Variants in MEF2C observed in about 807,000 individuals in gnomAD.
MEF2C encodes myocyte-specific enhancer factor 2C.
In MEF2C, 6 loss-of-function variants were observed where a neutral mutation model predicts 50.5. That is an observed-to-expected ratio of 0.12 (90% CI 0.07 to 0.23). The LOEUF (loss-of-function observed/expected upper bound fraction) is 0.23, where lower values mean the gene tolerates loss of function less well. MEF2C is among the 10% of genes least tolerant of loss of function. The pLI is 1.00. For missense variants in MEF2C, 276 were observed against 605.0 expected (o/e 0.46, Z 5.70); for synonymous variants, 183 against 228.0 (o/e 0.80, Z 1.78).
chr5:88,745,860 G>C (rs188401099), intron 6 of MEF2C, among the ~76,000 whole-genome samples: 6 of 152,256 alleles, frequency 3.9e-5, no homozygotes, highest in Non-Finnish European at 8.8e-5. Context: ...GACTACCTGG[G>C]CTCTTCCTTG....
chr5:88,890,307 C>T (rs1582013850), intron 1 of MEF2C, among the ~76,000 whole-genome samples: 2 of 152,092 alleles, frequency 1.3e-5, no homozygotes, highest in Admixed American at 6.6e-5. Flanking sequence ...CACAGGGGAA[C>T]GGTTCTGGGA....
In MEF2C at chr5:88,869,618, T is replaced by C. The variant is rs781022316; in HGVS notation, c.-143+13337A>G. On this transcript the variant is annotated intron_variant, in intron 1 of 10. Coordinates refer to ENST00000504921, the MANE Select transcript of MEF2C (RefSeq NM_002397.5). Reference sequence around the variant, plus strand: ...ACTTGACATTTCAAATTCTGTTAACTTACTACACTTATTAATTCAGAAACG... The same window carrying C: ...ACTTGACATTTCAAATTCTGTTAACCTACTACACTTATTAATTCAGAAACG... Among the ~76,000 whole-genome samples, 49 of 151,606 alleles carry C rather than the reference T, an allele frequency of 3.2e-4. No individual in the cohort carries two copies. In the Middle Eastern group the frequency reaches 0.01, roughly 32 times the overall value.
intron 1 of MEF2C, chr5:88,880,831 T>C (rs866534491): frequency 6.6e-6 from 1 of 152,072 alleles, no homozygotes; most frequent in East Asian, 1.9e-4. Context: ...TTTTAAAATA[T>C]GAATAGCTCA....
At chr5:88,903,208 G>A (rs1442023004) in intron 1 of MEF2C, among the ~76,000 whole-genome samples, 1 of 151,750 alleles carries the variant, frequency 6.6e-6, no homozygotes, top group Admixed American at 6.6e-5. Context: ...TTGGAAATCA[G>A]TGATGTAAAA....
Position 88,736,280 on chromosome 5 carries a change from G to A in MEF2C, c.638-4379C>T. 2 of 88,460 alleles carry A rather than the reference G, an allele frequency of 2.3e-5. 1 individual carries two copies. The highest frequency in any genetic ancestry group is 2.9e-5 in the Non-Finnish European group (2 of 69,060). The allele number at this position is 88,460 out of a possible 1,614,324, so 5.5% of individuals were successfully genotyped here. ...GAGGCCGAGGCGGGTGGATCATGAG[G>A]TCAGGAGATCGAGACCATCCTGGCT... On this transcript the variant is annotated intron_variant, in intron 6 of 10. Transcript: ENST00000504921.
At chr5:88,778,638 T>C (rs1029586831) in intron 3 of MEF2C, among the ~76,000 whole-genome samples, 1 of 152,192 alleles carries the variant, frequency 6.6e-6, no homozygotes, top group Non-Finnish European at 1.5e-5. Flanking sequence ...TATAATCTCT[T>C]CCCTTTCCTG....
chr5:88,800,553 T>C (rs1797929485), intron 3 of MEF2C, among the ~76,000 whole-genome samples: 1 of 152,192 alleles, frequency 6.6e-6, no homozygotes, highest in Non-Finnish European at 1.5e-5. Flanking sequence ...CAGATCATCC[T>C]GAAGTACTCA....
chr5:88,789,630 G>T (rs1178696769), intron 3 of MEF2C, among the ~76,000 whole-genome samples: 1 of 152,094 alleles, frequency 6.6e-6, no homozygotes, highest in African/African-American at 2.4e-5. Flanking sequence ...GAGGTTTTCA[G>T]AATCTAATTA....
At chr5:88,776,868 G>A (rs920836512) in intron 3 of MEF2C, among the ~76,000 whole-genome samples, 2 of 152,146 alleles carry the variant, frequency 1.3e-5, no homozygotes. Context: ...ACCTGGCAGT[G>A]GCTCGGCACC....
chr5:88,815,752 A>G (rs1420039729), intron 2 of MEF2C, among the ~76,000 whole-genome samples: 1 of 152,098 alleles, frequency 6.6e-6, no homozygotes, highest in African/African-American at 2.4e-5. Flanking sequence ...TAAATGTTAA[A>G]GAAGTGCAGA....
intron 3 of MEF2C, among the ~76,000 whole-genome samples, chr5:88,783,604 TGG>T (rs980263537): frequency 6.6e-6 from 1 of 152,080 alleles, no homozygotes; most frequent in Non-Finnish European, 1.5e-5. Context: ...CACTCCAGCC[TGG>T]GCAACAAGAG....
At chr5:88,738,128 G>A in intron 6 of MEF2C, 1 of 985,280 alleles carries the variant, frequency 1.0e-6, no homozygotes, top group Non-Finnish European at 1.2e-6. Flanking sequence ...TACTCAAAAT[G>A]TTTCTGTTAA....
rs3841444 is a variant in MEF2C, at chr5:88,720,336, A to ATT, written c.*2266_*2267dup. Reference sequence around the variant, plus strand: ...GGGATATATATGAAATGGTTGATAGATTTTTTTTTTTTAATATATAAAACA... The same window carrying ATT: ...GGGATATATATGAAATGGTTGATAGATTTTTTTTTTTTTTAATATATAAAACA... On this transcript the variant is annotated 3_prime_UTR_variant, in exon 11 of 11. Transcript: ENST00000504921. The ATT allele has an allele frequency of 0.025, 3,724 of 149,592 alleles. 59 individuals are homozygous for ATT. Among genetic ancestry groups the ATT allele is most frequent in the African/African-American group, 0.042 (1,723 of 40,816 alleles). 9.3% of individuals were successfully genotyped at this position (149,592 alleles called of 1,614,324 possible).
intron 2 of MEF2C, among the ~76,000 whole-genome samples, chr5:88,820,663 A>G (rs916244092): frequency 6.6e-6 from 1 of 152,044 alleles, no homozygotes; most frequent in Non-Finnish European, 1.5e-5. Flanking sequence ...ATGAGGTTCT[A>G]CTGGACAGTC....
intron 1 of MEF2C, among the ~76,000 whole-genome samples, chr5:88,877,609 C>T (rs1352403657): frequency 6.6e-6 from 1 of 151,892 alleles, no homozygotes; most frequent in Non-Finnish European, 1.5e-5. Context: ...ATGCCATCTT[C>T]GTATTCTTAA....
chr5:88,730,715 A>G (rs747890759), intron 7 of MEF2C, among the ~76,000 whole-genome samples: 2 of 152,156 alleles, frequency 1.3e-5, no homozygotes, highest in African/African-American at 2.4e-5. Flanking sequence ...TATTAGACCC[A>G]GTTTTTTTCT....
intron 1 of MEF2C, among the ~76,000 whole-genome samples, chr5:88,894,147 A>G (rs1834873860): frequency 6.6e-6 from 1 of 152,170 alleles, no homozygotes. Flanking sequence ...GTTTCCTTTT[A>G]TTCAAAGAAC....
intron 3 of MEF2C, among the ~76,000 whole-genome samples, chr5:88,803,759 G>A (rs1799292659): frequency 6.6e-6 from 1 of 151,856 alleles, no homozygotes; most frequent in African/African-American, 2.4e-5. Flanking sequence ...TAACTAACCT[G>A]CACAATGTGC....
At chr5:88,840,372 G>A (rs1189579274) in intron 1 of MEF2C, among the ~76,000 whole-genome samples, 2 of 152,060 alleles carry the variant, frequency 1.3e-5, no homozygotes, top group African/African-American at 4.8e-5. Flanking sequence ...CTTTCCTTAC[G>A]CTGGTTTTTA....
Sources: allele counts gnomAD v4.1 joint callset (sites outside exome capture counted in the v4.1 genomes callset), GRCh38; gene constraint gnomAD v4.1.1; transcripts MANE v1.5; gene names NCBI Gene and HGNC (gene_info 2026-07-23, HGNC 2026-07-21).